The following AFG2A variants were observed in gnomAD, a reference collection of about 807,000 sequenced individuals.
The protein encoded by AFG2A is ATPase family gene 2 protein homolog A.
At chr4:123,027,816 T>C in the AFG2A span, among the ~76,000 whole-genome samples, 44 of 152,180 alleles carry the variant, frequency 2.9e-4, no homozygotes, top group Non-Finnish European at 5.7e-4. Flanking sequence ...AAAACAGGTA[T>C]AAGAAATTAG....
the AFG2A span, among the ~76,000 whole-genome samples, chr4:123,107,587 G>T: frequency 1.3e-5 from 2 of 152,202 alleles, no homozygotes; most frequent in Non-Finnish European, 2.9e-5. Context: ...CAGGCTTCAG[G>T]CTGTCCATGT....
the AFG2A span, among the ~76,000 whole-genome samples, chr4:122,950,615 C>T: frequency 6.6e-6 from 1 of 152,216 alleles, no homozygotes; most frequent in African/African-American, 2.4e-5. Flanking sequence ...GGTGGGATTA[C>T]AGGCGTGAGC....
At chr4:123,211,534 C>T in the AFG2A span, among the ~76,000 whole-genome samples, 11 of 152,262 alleles carry the variant, frequency 7.2e-5, no homozygotes, top group East Asian at 1.7e-3. Context: ...TCACAACATA[C>T]AAGCTGGAAA....
the AFG2A span, among the ~76,000 whole-genome samples, chr4:123,098,907 T>C: frequency 6.6e-6 from 1 of 151,960 alleles, no homozygotes; most frequent in Non-Finnish European, 1.5e-5. Flanking sequence ...GATCATAAGA[T>C]AGTTTTATTT....
At chr4:122,952,706 C>A in the AFG2A span, among the ~76,000 whole-genome samples, 287 of 152,278 alleles carry the variant, frequency 1.9e-3, 1 homozygote, top group African/African-American at 6.5e-3. Context: ...AAAATGTGTA[C>A]CCCTTCCAGG....
chr4:123,152,558 A>G, the AFG2A span, among the ~76,000 whole-genome samples: 1 of 152,236 alleles, frequency 6.6e-6, no homozygotes, highest in African/African-American at 2.4e-5. Context: ...TTAAAACGAG[A>G]CATCACTACA....
chr4:123,067,874 A>G, the AFG2A span, among the ~76,000 whole-genome samples: 4 of 152,226 alleles, frequency 2.6e-5, no homozygotes, highest in Non-Finnish European at 5.9e-5. Flanking sequence ...CAAAAGCAGC[A>G]TGGAAAATAT....
At chr4:123,253,456 G>T in the AFG2A span, among the ~76,000 whole-genome samples, 3 of 148,974 alleles carry the variant, frequency 2.0e-5, no homozygotes, top group African/African-American at 7.4e-5. Context: ...TGCACTTCCA[G>T]CCTGGGCAAC....
At chr4:123,196,069 C>T in the AFG2A span, among the ~76,000 whole-genome samples, 6 of 151,176 alleles carry the variant, frequency 4.0e-5, no homozygotes, top group African/African-American at 9.7e-5. Context: ...GGTGCATTCT[C>T]AGCTCACTGC....
chr4:123,313,176 G>A, the AFG2A span, among the ~76,000 whole-genome samples: 123 of 152,130 alleles, frequency 8.1e-4, 1 homozygote, highest in African/African-American at 2.6e-3. Flanking sequence ...CTCCCCTTCC[G>A]TTTTCCTACT....
the AFG2A span, among the ~76,000 whole-genome samples, chr4:123,185,712 C>T: frequency 2.0e-5 from 3 of 152,232 alleles, no homozygotes; most frequent in Middle Eastern, 3.4e-3. Context: ...ATGATTCTCA[C>T]GCTCTGATTT....
chr4:123,089,732 A>G, the AFG2A span, among the ~76,000 whole-genome samples: 13 of 152,002 alleles, frequency 8.6e-5, no homozygotes, highest in Non-Finnish European at 1.5e-5. Context: ...TTACATGTAC[A>G]TACTACCACA....
chr4:123,308,547 C>T, the AFG2A span, among the ~76,000 whole-genome samples: 3 of 152,204 alleles, frequency 2.0e-5, no homozygotes, highest in African/African-American at 7.2e-5. Context: ...GTGAGGGATC[C>T]AGGTTGTGCA....
At chr4:123,255,969 G>A in the AFG2A span, 1 of 1,606,152 alleles carries the variant, frequency 6.2e-7, no homozygotes, top group Non-Finnish European at 8.5e-7. Flanking sequence ...GAGATGGAAT[G>A]TCAGTTCTGA....
the AFG2A span, among the ~76,000 whole-genome samples, chr4:123,135,622 C>G: frequency 8.5e-4 from 130 of 152,150 alleles, 2 homozygotes; most frequent in Non-Finnish European, 1.6e-4. Flanking sequence ...TTTCTTGTCA[C>G]TCTTCATCAA....
the AFG2A span, among the ~76,000 whole-genome samples, chr4:122,970,586 A>G: frequency 2.1e-5 from 3 of 143,778 alleles, no homozygotes; most frequent in East Asian, 2.1e-4. Flanking sequence ...TTCTTTTTCT[A>G]TGTTTAGGTA....
the AFG2A span, among the ~76,000 whole-genome samples, chr4:123,065,498 TTACAG>T: frequency 6.6e-6 from 1 of 152,166 alleles, no homozygotes; most frequent in Non-Finnish European, 1.5e-5. Context: ...ATGTTTCTTC[TTACAG>T]TAATTTTTGC....
chr4:123,283,360 G>GAGAC, the AFG2A span, among the ~76,000 whole-genome samples: 1 of 39,440 alleles, frequency 2.5e-5, no homozygotes, highest in Non-Finnish European at 1.2e-4. Flanking sequence ...AAAAAAAAAA[G>GAGAC]AGAGAGAGAG....
chr4:123,076,769 C>T, the AFG2A span, among the ~76,000 whole-genome samples: 1 of 152,092 alleles, frequency 6.6e-6, no homozygotes, highest in East Asian at 1.9e-4. Flanking sequence ...ATAACTGCAA[C>T]ACTGTCTTTA....
Sources: allele counts gnomAD v4.1 joint callset (sites outside exome capture counted in the v4.1 genomes callset), GRCh38; gene constraint gnomAD v4.1.1; transcripts MANE v1.5; gene names NCBI Gene and HGNC (gene_info 2026-07-23, HGNC 2026-07-21).